KCNIP4: variants seen among roughly 807,000 people sequenced by gnomAD.
The protein encoded by KCNIP4 is Kv channel-interacting protein 4.
KCNIP4 carries 12 observed loss-of-function variants against 34.0 expected under a neutral mutation model. The ratio of observed to expected loss-of-function variants is 0.35; its 90% CI spans 0.23 to 0.57. The LOEUF is 0.57. Among genes scored for constraint, KCNIP4 ranks in the 20% least tolerant of loss-of-function variants. The probability of loss-of-function intolerance (pLI) is 0.83; values close to 1 mark genes in which losing one functional copy is unlikely to be tolerated. For missense variants in KCNIP4, 238 were observed against 311.7 expected (o/e 0.76, Z 1.78); for synonymous variants, 124 against 102.2 (o/e 1.21, Z -1.29).
chr4:21,658,609 G>T (rs1475717610), intron 1 of KCNIP4, among the ~76,000 whole-genome samples: 1 of 152,052 alleles, frequency 6.6e-6, no homozygotes, highest in Admixed American at 6.6e-5. Context: ...CACCATGTTG[G>T]CCAGGCTGGT....
At position 21,276,380 on chromosome 4, in the gene KCNIP4, T is replaced by G. The variant is rs552758730; in HGVS notation, c.62-393671A>C. Among the ~76,000 whole-genome samples, 718 of 114,650 alleles carry G rather than the reference T, an allele frequency of 6.3e-3. 2 individuals are homozygous for G. The highest frequency in any genetic ancestry group is 0.036 in the South Asian group (118 of 3,282). The allele number at this position is 114,650 out of a possible 152,430, so 75.2% of individuals were successfully genotyped here. On this transcript the variant is annotated intron_variant, in intron 1 of 8. Transcript: ENST00000382152. The stretch of plus-strand genomic sequence containing the variant: ...TTTTCTCTTTTTTTTTTTTTTTTTT[T>G]GGGTAGATACAGTGTTTCACCATGT...
chr4:21,064,632 G>T (rs1577624429), intron 1 of KCNIP4, among the ~76,000 whole-genome samples: 1 of 152,086 alleles, frequency 6.6e-6, no homozygotes, highest in African/African-American at 2.4e-5. Context: ...TTCATGGAAA[G>T]AACTTATATA....
At chr4:20,989,685 T>G (rs775323482) in intron 1 of KCNIP4, among the ~76,000 whole-genome samples, 1 of 152,120 alleles carries the variant, frequency 6.6e-6, no homozygotes. Flanking sequence ...AAAGACAGCA[T>G]TGGCCAGGCA....
intron 1 of KCNIP4, among the ~76,000 whole-genome samples, chr4:21,858,155 G>A (rs1218121661): frequency 2.0e-5 from 3 of 152,194 alleles, no homozygotes; most frequent in Non-Finnish European, 4.4e-5. Context: ...GATCCAGGCT[G>A]GTAGCATGAG....
At chr4:21,763,036 G>A in intron 1 of KCNIP4, 1 of 1,288,872 alleles carries the variant, frequency 7.8e-7, no homozygotes, top group Non-Finnish European at 1.0e-6. Flanking sequence ...ACCGCTTCTA[G>A]ATTGAATGGA....
At chr4:20,950,705 T>A (rs1054696154) in intron 1 of KCNIP4, among the ~76,000 whole-genome samples, 1 of 152,088 alleles carries the variant, frequency 6.6e-6, no homozygotes, top group Admixed American at 6.5e-5. Flanking sequence ...AATGAGATTA[T>A]AGCCTCTGAA....
At chr4:21,115,273 T>C (rs1238463759) in intron 1 of KCNIP4, among the ~76,000 whole-genome samples, 1 of 152,214 alleles carries the variant, frequency 6.6e-6, no homozygotes, top group Admixed American at 6.5e-5. Flanking sequence ...TTAGCTGCTA[T>C]AGATAGTAGT....
chr4:20,798,524 TACAC>T lies in KCNIP4; in HGVS notation c.289-39638_289-39635del, dbSNP rs552287842. Among the ~76,000 whole-genome samples, 5 of 126,834 alleles carry T rather than the reference TACAC, an allele frequency of 3.9e-5. No homozygotes were observed. In the East Asian group the frequency reaches 1.6e-3, roughly 40 times the overall value. The allele number at this position is 126,834 out of a possible 152,430, so 83.2% of individuals were successfully genotyped here. ...ACACACACACACACAGACACACACA[TACAC>T]ACACACACACAGACACACAAAAAAG... On this transcript the variant is annotated intron_variant, in intron 3 of 8. Coordinates refer to ENST00000382152, the MANE Select transcript of KCNIP4 (RefSeq NM_025221.6).
intron 1 of KCNIP4, among the ~76,000 whole-genome samples, chr4:20,973,000 G>A (rs905660915): frequency 1.1e-4 from 17 of 152,180 alleles, no homozygotes; most frequent in Admixed American, 4.6e-4. Flanking sequence ...AGATGGAATC[G>A]AATCCTGGTG....
chr4:21,532,861 G>C (rs977608571), intron 1 of KCNIP4, among the ~76,000 whole-genome samples: 8 of 151,730 alleles, frequency 5.3e-5, no homozygotes, highest in Non-Finnish European at 1.0e-4. Context: ...TAAATTACAG[G>C]AATCTACCAT....
In KCNIP4 at chr4:21,943,314, T is replaced by C. The variant is rs80178143; in HGVS notation, c.61+5257A>G. ...CAGTAAGCCCGCAAGAGAAGGACAC[T>C]ACATTTCAGATGTGTCTTGATGGAT... On this transcript the variant is annotated intron_variant, in intron 1 of 8. Coordinates refer to ENST00000382152, the MANE Select transcript of KCNIP4 (RefSeq NM_025221.6). 7.2e-5 allele frequency among the ~76,000 whole-genome samples: 11 copies of C among 152,280 alleles called. No individual in the cohort carries two copies. The East Asian group carries it at 1.9e-3, about 27-fold the overall frequency.
At chr4:21,055,540 C>T (rs1401713804) in intron 1 of KCNIP4, among the ~76,000 whole-genome samples, 2 of 152,140 alleles carry the variant, frequency 1.3e-5, no homozygotes, top group Non-Finnish European at 2.9e-5. Flanking sequence ...AACCAAAAAA[C>T]TGAAAGTACA....
chr4:20,839,790 G>T (rs1293050050), intron 3 of KCNIP4, among the ~76,000 whole-genome samples: 1 of 151,518 alleles, frequency 6.6e-6, no homozygotes, highest in East Asian at 1.9e-4. Flanking sequence ...CTTCAATTTT[G>T]CAGGTGACAT....
chr4:20,744,231 C>G (rs1174499439), intron 5 of KCNIP4, among the ~76,000 whole-genome samples: 4 of 152,170 alleles, frequency 2.6e-5, no homozygotes, highest in Admixed American at 6.5e-5. Flanking sequence ...ACTAGAAATA[C>G]CATTTGACCC....
chr4:21,790,637 C>A (rs781059622), intron 1 of KCNIP4, among the ~76,000 whole-genome samples: 51 of 151,766 alleles, frequency 3.4e-4, no homozygotes, highest in Non-Finnish European at 6.0e-4. Flanking sequence ...CAGAAGAGGG[C>A]GCTATCCTCA....
chr4:20,941,115 C>T (rs984182414), intron 1 of KCNIP4, among the ~76,000 whole-genome samples: 1 of 152,180 alleles, frequency 6.6e-6, no homozygotes, highest in African/African-American at 2.4e-5. Flanking sequence ...TTGACATGCA[C>T]CTACTGGATA....
chr4:21,700,582 T>C (rs1211980693), intron 1 of KCNIP4, among the ~76,000 whole-genome samples: 1 of 152,144 alleles, frequency 6.6e-6, no homozygotes, highest in African/African-American at 2.4e-5. Context: ...TGTTTTTTGC[T>C]GTGCAGAAGC....
chr4:21,775,361 G>A (rs1051537506), intron 1 of KCNIP4, among the ~76,000 whole-genome samples: 4 of 152,116 alleles, frequency 2.6e-5, no homozygotes, highest in Non-Finnish European at 5.9e-5. Context: ...CTCTGACCTC[G>A]AGGGCCACCA....
At chr4:20,803,489 A>T (rs1578657211) in intron 3 of KCNIP4, among the ~76,000 whole-genome samples, 1 of 45,444 alleles carries the variant, frequency 2.2e-5, no homozygotes, top group African/African-American at 6.3e-5. Flanking sequence ...AAAAAAAAAA[A>T]AAAAAAAAAA....
Sources: allele counts gnomAD v4.1 joint callset (sites outside exome capture counted in the v4.1 genomes callset), GRCh38; gene constraint gnomAD v4.1.1; transcripts MANE v1.5; gene names NCBI Gene and HGNC (gene_info 2026-07-23, HGNC 2026-07-21).